Variants in PTPN21 observed in about 807,000 individuals in gnomAD.
The protein encoded by PTPN21 is protein tyrosine phosphatase non-receptor type 21.
Under a neutral mutation model 131.8 loss-of-function variants are expected in PTPN21, and 77 were observed. That is an observed-to-expected ratio of 0.58 (90% CI 0.49 to 0.71). PTPN21 has a LOEUF of 0.71. PTPN21 is among the 30% of genes least tolerant of loss of function. PTPN21 has a pLI of 0.00. For missense variants in PTPN21, 1,552 were observed against 1,527.1 expected (o/e 1.02, Z -0.27); for synonymous variants, 715 against 621.3 (o/e 1.15, Z -2.24).
chr14:88,484,813 A>G (rs2077708445), intron 12 of PTPN21, among the ~76,000 whole-genome samples: 1 of 152,076 alleles, frequency 6.6e-6, no homozygotes, highest in Non-Finnish European at 1.5e-5. Context: ...GCTTGAATCT[A>G]GGAGGTGGAT....
intron 12 of PTPN21, among the ~76,000 whole-genome samples, chr14:88,480,759 T>G (rs1341436264): frequency 2.0e-5 from 3 of 152,202 alleles, no homozygotes; most frequent in Non-Finnish European, 4.4e-5. Flanking sequence ...ACCAACTGTC[T>G]GTAAGCATTT....
At chr14:88,484,586 G>A (rs761287283) in intron 12 of PTPN21, among the ~76,000 whole-genome samples, 7 of 152,080 alleles carry the variant, frequency 4.6e-5, no homozygotes, top group Non-Finnish European at 1.0e-4. Flanking sequence ...GTTTCCCATT[G>A]GCCAAATTTG....
Position 88,480,106 on chromosome 14 carries a change from G to A in PTPN21, c.1325C>T (p.Pro442Leu), listed in dbSNP as rs1406911996. ...GTCTGGGGTGGGGCGGTAGGACGGG[G>A]GTATCACGGCGCTGTGCCGATGGGA... ...LPSHRHSAVI[P>L]PSYRPTPDYE... The change falls in exon 13 of 19, where the codon CCC (proline) becomes CTC (leucine). Residue 442 changes from proline to leucine, a missense_variant. Physicochemically the swap from Pro to Leu is moderately conservative, Grantham distance 98. This residue lies in a region of PTPN21 where 1,016 missense variants were observed against 883.5 expected (regional missense o/e 1.15). Coordinates refer to ENST00000556564, the MANE Select transcript of PTPN21 (RefSeq NM_007039.4). 6.2e-7 allele frequency: 1 copy of A among 1,614,186 alleles called. No homozygotes were observed. Among genetic ancestry groups the A allele is most frequent in the Non-Finnish European group, 8.5e-7 (1 of 1,180,032 alleles).
At chr14:88,510,448 G>A (rs531361382) in intron 3 of PTPN21, among the ~76,000 whole-genome samples, 20 of 152,228 alleles carry the variant, frequency 1.3e-4, no homozygotes, top group Non-Finnish European at 2.5e-4. Context: ...TAAGCAACAT[G>A]CTCAAATGCA....
intron 2 of PTPN21, among the ~76,000 whole-genome samples, chr14:88,531,062 T>A (rs558581567): frequency 8.1e-4 from 123 of 152,200 alleles, no homozygotes; most frequent in Middle Eastern, 3.4e-3. Flanking sequence ...CAACAAATTT[T>A]AAAAAAATCA....
intron 12 of PTPN21, among the ~76,000 whole-genome samples, chr14:88,482,241 C>G (rs1487396689): frequency 6.6e-6 from 1 of 152,174 alleles, no homozygotes; most frequent in Admixed American, 6.5e-5. Flanking sequence ...TGTCAGATAG[C>G]TACAGAGGAG....
chr14:88,536,435 A>G (rs1010352531), intron 2 of PTPN21, among the ~76,000 whole-genome samples: 2 of 152,376 alleles, frequency 1.3e-5, no homozygotes, highest in South Asian at 2.1e-4. Flanking sequence ...CTTACTTTAC[A>G]TGAACTGATG....
chr14:88,531,391 T>C (rs1193406121), intron 2 of PTPN21, among the ~76,000 whole-genome samples: 1 of 152,108 alleles, frequency 6.6e-6, no homozygotes, highest in Non-Finnish European at 1.5e-5. Context: ...ACCCCATCTC[T>C]ACTAAAATTA....
intron 10 of PTPN21, among the ~76,000 whole-genome samples, chr14:88,488,842 A>AT (rs1222368794): frequency 6.6e-6 from 1 of 152,196 alleles, no homozygotes; most frequent in African/African-American, 2.4e-5. Context: ...TTTAAAAAAA[A>AT]GAAAAAAGTC....
In PTPN21 at chr14:88,485,131, G is replaced by A. The variant is rs566152676; in HGVS notation, c.1023C>T (p.Pro341=). The A allele has an allele frequency of 6.2e-7, 1 of 1,606,780 alleles. No individual in the cohort carries two copies. Among genetic ancestry groups the A allele is most frequent in the Non-Finnish European group, 8.5e-7 (1 of 1,175,080 alleles). Residue 341 remains proline (P), a synonymous_variant, in exon 12 of 19, where the codon CCC becomes CCT. Transcript: ENST00000556564. The part of the protein sequence containing the change: ...LPKPQPYVMP[P]PPQLHYNGHY... The stretch of plus-strand genomic sequence containing the variant: ...GTCCATTATAGTGCAACTGCGGTGG[G>A]GGAGGCATCACGTAGGGCTGGGGTT...
Position 88,479,536 on chromosome 14 carries a change from A to G in PTPN21, c.1895T>C (p.Leu632Pro), listed in dbSNP as rs1356234201. The change falls in exon 13 of 19, where the codon CTG (leucine) becomes CCG (proline). Residue 632 changes from leucine (L) to proline (P), a missense_variant. By Grantham distance (98) the Leu-to-Pro change is moderately conservative (BLOSUM62 -3). Coordinates refer to ENST00000556564, the MANE Select transcript of PTPN21 (RefSeq NM_007039.4). Reference sequence around the variant, plus strand: ...CACCTCGATGCTGTTCCGTTTGTGCAGCTGCGCGTGGCGCGCGGCGGTGAG... The same window carrying G: ...CACCTCGATGCTGTTCCGTTTGTGCGGCTGCGCGTGGCGCGCGGCGGTGAG... ...EPLTAARHAQLHKRNSIEVAG... is the reference protein window; with the variant it reads ...EPLTAARHAQPHKRNSIEVAG... 2 of 1,600,118 alleles carry G rather than the reference A, an allele frequency of 1.2e-6. No homozygotes were observed. The highest frequency in any genetic ancestry group is 8.5e-7 in the Non-Finnish European group (1 of 1,179,214).
In PTPN21 at chr14:88,474,141, AAAAAAAAAAAAAAAC is replaced by A. The variant is rs540567292; in HGVS notation, c.2512-354_2512-340del. Among the ~76,000 whole-genome samples, 1,050 of 141,620 alleles carry A rather than the reference AAAAAAAAAAAAAAAC, an allele frequency of 7.4e-3. 17 individuals are homozygous for A. The highest frequency in any genetic ancestry group is 0.03 in the African/African-American group (1,001 of 33,696). 92.9% of individuals were successfully genotyped at this position (141,620 alleles called of 152,430 possible). On this transcript the variant is annotated intron_variant, in intron 13 of 18. Coordinates refer to ENST00000556564, the MANE Select transcript of PTPN21 (RefSeq NM_007039.4). The stretch of plus-strand genomic sequence containing the variant: ...AAATCAGCTGAAGTCCAAAAAAAAA[AAAAAAAAAAAAAAAC>A]AAAAGCTTTAAATGCAATCAATTGA...
At position 88,534,191 on chromosome 14, in the gene PTPN21, C is replaced by T. The variant is rs935228463; in HGVS notation, c.180+16047G>A. ...GAGTTCAAGATCAGCCTGGCCAACGCGGCAAAAACCCACCTCTGCTAAAAA... is the reference window on the plus strand; with the variant it reads ...GAGTTCAAGATCAGCCTGGCCAACGTGGCAAAAACCCACCTCTGCTAAAAA... On this transcript the variant is annotated intron_variant, in intron 2 of 18. Transcript: ENST00000556564. Among the ~76,000 whole-genome samples, 4 of 145,730 alleles carry T rather than the reference C, an allele frequency of 2.7e-5. No homozygotes were observed. In the Admixed American group the frequency reaches 2.8e-4, roughly 10 times the overall value.
intron 3 of PTPN21, among the ~76,000 whole-genome samples, chr14:88,514,469 C>CT (rs555587081): frequency 0.1 from 14,503 of 140,696 alleles, 777 homozygotes; most frequent in Middle Eastern, 0.16. Flanking sequence ...TTTCTTTTTT[C>CT]TTTTTTTTTT....
At chr14:88,530,896 CAAAG>C (rs1322022839) in intron 2 of PTPN21, among the ~76,000 whole-genome samples, 1 of 152,044 alleles carries the variant, frequency 6.6e-6, no homozygotes, top group African/African-American at 2.4e-5. Flanking sequence ...AGAAAGTCAA[CAAAG>C]AAACAATGGA....
At chr14:88,526,618 G>GT (rs1269558129) in intron 2 of PTPN21, among the ~76,000 whole-genome samples, 1 of 139,426 alleles carries the variant, frequency 7.2e-6, no homozygotes, top group African/African-American at 2.7e-5. Context: ...GTAAAAAAAT[G>GT]TTTTTAAAGA....
intron 13 of PTPN21, among the ~76,000 whole-genome samples, chr14:88,475,219 C>G (rs190404243): frequency 7.0e-4 from 107 of 152,288 alleles, no homozygotes; most frequent in Non-Finnish European, 1.2e-3. Context: ...TATTCCAGCT[C>G]TCTCAGCCTG....
chr14:88,494,799 G>C (rs113592921), intron 10 of PTPN21, among the ~76,000 whole-genome samples: 1 of 151,690 alleles, frequency 6.6e-6, no homozygotes, highest in African/African-American at 2.4e-5. Context: ...GGATCACGAG[G>C]TCAGGAGATC....
intron 2 of PTPN21, among the ~76,000 whole-genome samples, chr14:88,544,741 C>T (rs1306366699): frequency 3.3e-5 from 5 of 152,140 alleles, no homozygotes; most frequent in African/African-American, 1.2e-4. Flanking sequence ...TGAAGCACCG[C>T]GCAGAGGAAA....
Sources: allele counts gnomAD v4.1 joint callset (sites outside exome capture counted in the v4.1 genomes callset), GRCh38; gene constraint gnomAD v4.1.1; regional missense constraint gnomAD v4.1.1; transcripts MANE v1.5; gene names NCBI Gene and HGNC (gene_info 2026-07-23, HGNC 2026-07-21).